The following EBF1 variants were observed in gnomAD, a reference collection of about 807,000 sequenced individuals.
EBF1 encodes the protein EBF transcription factor 1.
Under a neutral mutation model 68.4 loss-of-function variants are expected in EBF1, and 10 were observed. The ratio of observed to expected loss-of-function variants is 0.15; its 90% CI spans 0.09 to 0.25. The LOEUF is 0.25. EBF1 is among the 10% of genes least tolerant of loss of function. The pLI is 1.00. For missense variants in EBF1, 509 were observed against 794.4 expected, an observed-to-expected ratio of 0.64 and a Z score of 4.32; for synonymous variants, 298 against 299.8, an observed-to-expected ratio of 0.99 and a Z score of 0.06.
chr5:158,889,238 A>G (rs1027768362), intron 6 of EBF1, among the ~76,000 whole-genome samples: 1 of 152,192 alleles, frequency 6.6e-6, no homozygotes, highest in African/African-American at 2.4e-5. Context: ...AACCACATCT[A>G]AATCAATAGA....
intron 6 of EBF1, among the ~76,000 whole-genome samples, chr5:158,850,923 C>T (rs1292541355): frequency 6.6e-6 from 1 of 152,050 alleles, no homozygotes; most frequent in Non-Finnish European, 1.5e-5. Context: ...AAGAGAATCA[C>T]TTGAACCTGG....
chr5:158,789,707 T>A (rs2127723382), intron 9 of EBF1, among the ~76,000 whole-genome samples: 1 of 152,118 alleles, frequency 6.6e-6, no homozygotes, highest in South Asian at 2.1e-4. Flanking sequence ...TGAAAAAAGG[T>A]TTCTCAAGGC....
At chr5:159,063,653 T>C (rs1776254635) in intron 6 of EBF1, among the ~76,000 whole-genome samples, 1 of 152,166 alleles carries the variant, frequency 6.6e-6, no homozygotes, top group African/African-American at 2.4e-5. Flanking sequence ...TAATAAATAT[T>C]TGTGGAAACA....
At position 158,713,079 on chromosome 5, in the gene EBF1, T is replaced by C. The variant is rs780793034; in HGVS notation, c.1260A>G (p.Gln420=). The C allele has an allele frequency of 2.5e-6, 4 of 1,596,514 alleles. No individual in the cohort carries two copies. Among genetic ancestry groups the C allele is most frequent in the Non-Finnish European group, 3.4e-6 (4 of 1,170,304 alleles). ...CCGAGGTGTTAGCAAGGGCCGGGAG[T>C]TGGTTGTGGTTGCGGGGAACACTGT... The part of the protein sequence containing the change: ...ALYSVPRNHN[Q]LPALANTSVH... Residue 420 remains glutamine, a synonymous_variant, in exon 13 of 16, where the codon CAA becomes CAG. Coordinates refer to ENST00000313708, the MANE Select transcript of EBF1 (RefSeq NM_024007.5).
At chr5:158,754,970 A>C (rs1769731379) in intron 10 of EBF1, among the ~76,000 whole-genome samples, 1 of 152,118 alleles carries the variant, frequency 6.6e-6, no homozygotes, top group Admixed American at 6.6e-5. Context: ...AAGTAACCTC[A>C]AATCTCTCAT....
Position 158,939,061 on chromosome 5 carries a change from T to C in EBF1, c.555-98951A>G, listed in dbSNP as rs73816843. Among the ~76,000 whole-genome samples the C allele has an allele frequency of 4.9e-3, 750 of 152,310 alleles. 9 individuals are homozygous for C. Among genetic ancestry groups the C allele is most frequent in the African/African-American group, 0.017 (720 of 41,554 alleles). On this transcript the variant is annotated intron_variant, in intron 6 of 15. Coordinates refer to ENST00000313708, the MANE Select transcript of EBF1 (RefSeq NM_024007.5). Reference sequence around the variant, plus strand: ...GTGTCCATATTATTTTCTGCTGTAATTTCAAGACCTGGCACACATGTGCTT... The same window carrying C: ...GTGTCCATATTATTTTCTGCTGTAACTTCAAGACCTGGCACACATGTGCTT...
At chr5:158,776,912 C>T (rs1775408363) in intron 10 of EBF1, among the ~76,000 whole-genome samples, 1 of 152,166 alleles carries the variant, frequency 6.6e-6, no homozygotes, top group East Asian at 1.9e-4. Context: ...CTTCTTGCCG[C>T]AAGGCGGATC....
intron 6 of EBF1, among the ~76,000 whole-genome samples, chr5:158,952,336 C>T (rs530829929): frequency 1.3e-5 from 2 of 152,268 alleles, no homozygotes; most frequent in Admixed American, 6.5e-5. Context: ...TAGATAAGGA[C>T]ATTATATTCC....
chr5:158,716,400 G>A (rs1361145028), intron 11 of EBF1, among the ~76,000 whole-genome samples: 1 of 152,128 alleles, frequency 6.6e-6, no homozygotes, highest in Non-Finnish European at 1.5e-5. Context: ...GCTGGGGCAT[G>A]TTTTCCCATT....
chr5:158,840,964 C>T (rs1409007107), intron 6 of EBF1, among the ~76,000 whole-genome samples: 1 of 152,076 alleles, frequency 6.6e-6, no homozygotes, highest in Non-Finnish European at 1.5e-5. Flanking sequence ...AGCCACCGCG[C>T]CAGGCCCTCC....
intron 6 of EBF1, among the ~76,000 whole-genome samples, chr5:158,937,222 G>A (rs556960714): frequency 3.0e-4 from 45 of 152,146 alleles, no homozygotes; most frequent in South Asian, 2.3e-3. Flanking sequence ...CATCAGCTCC[G>A]TCTTTCAAAG....
At chr5:159,004,332 C>G (rs1483705483) in intron 6 of EBF1, among the ~76,000 whole-genome samples, 1 of 151,618 alleles carries the variant, frequency 6.6e-6, no homozygotes, top group African/African-American at 2.4e-5. Context: ...GTCTCATTTC[C>G]TCCTCACTCT....
chr5:158,889,078 A>G (rs977101013), intron 6 of EBF1, among the ~76,000 whole-genome samples: 10 of 152,170 alleles, frequency 6.6e-5, no homozygotes, highest in African/African-American at 2.4e-4. Flanking sequence ...AAAGACTTGT[A>G]ACACTTGTAA....
intron 6 of EBF1, among the ~76,000 whole-genome samples, chr5:158,904,677 A>G (rs901436551): frequency 1.3e-5 from 2 of 152,144 alleles, no homozygotes; most frequent in Non-Finnish European, 2.9e-5. Flanking sequence ...GCCCATTTCT[A>G]AAGGCCCACT....
intron 6 of EBF1, among the ~76,000 whole-genome samples, chr5:158,900,917 A>T (rs560687271): frequency 6.6e-6 from 1 of 152,350 alleles, no homozygotes; most frequent in Admixed American, 6.5e-5. Flanking sequence ...TCATTAGTCA[A>T]TTGGAGAACA....
chr5:158,832,061 A>G (rs953453971), intron 7 of EBF1, among the ~76,000 whole-genome samples: 5 of 152,268 alleles, frequency 3.3e-5, no homozygotes, highest in African/African-American at 1.2e-4. Flanking sequence ...CAACTTAAAA[A>G]GTGGAAGAAT....
intron 10 of EBF1, among the ~76,000 whole-genome samples, chr5:158,732,858 G>A (rs1371344208): frequency 1.3e-5 from 2 of 152,200 alleles, no homozygotes; most frequent in Non-Finnish European, 2.9e-5. Context: ...TTGCAAATAT[G>A]AGATTTAGTT....
At chr5:158,901,983 C>T (rs925762032) in intron 6 of EBF1, among the ~76,000 whole-genome samples, 1 of 152,218 alleles carries the variant, frequency 6.6e-6, no homozygotes, top group South Asian at 2.1e-4. Flanking sequence ...CTCAGCTACT[C>T]AGGAGGCTGA....
At chr5:158,886,337 C>T (rs1308070368) in intron 6 of EBF1, among the ~76,000 whole-genome samples, 1 of 152,234 alleles carries the variant, frequency 6.6e-6, no homozygotes. Context: ...CAGCAATCCT[C>T]ATCAATAACT....
Sources: gnomAD v4.1 joint callset for allele counts (sites outside exome capture counted in the v4.1 genomes callset) on GRCh38, gnomAD v4.1.1 for gene constraint, MANE v1.5 for transcripts, NCBI Gene and HGNC (gene_info 2026-07-23, HGNC 2026-07-21) for gene names.